Variants in CFAP61 observed in about 807,000 individuals in gnomAD.
CFAP61 encodes cilia and flagella associated protein 61, also known as cilia- and flagella-associated protein 61.
A neutral mutation model predicts 135.6 loss-of-function variants in CFAP61; 107 were observed. The observed-to-expected ratio is 0.79, with a 90% CI of 0.67 to 0.93. CFAP61 has a LOEUF of 0.93. Ranked by LOEUF, CFAP61 falls within the 40% of genes least tolerant of loss-of-function variation. The pLI, the probability that CFAP61 is intolerant of heterozygous loss-of-function variation, is 0.00. For missense variants in CFAP61, 1,507 were observed against 1,556.2 expected (o/e 0.97, Z 0.53); for synonymous variants, 575 against 578.5 (o/e 0.99, Z 0.09).
intron 13 of CFAP61, among the ~76,000 whole-genome samples, chr20:20,183,053 G>A (rs1239429039): frequency 6.6e-6 from 1 of 152,196 alleles, no homozygotes; most frequent in East Asian, 1.9e-4. Flanking sequence ...TCAGCACCCA[G>A]TGTGGAAGGA....
intron 25 of CFAP61, among the ~76,000 whole-genome samples, chr20:20,339,770 A>T (rs560450622): frequency 1.3e-5 from 2 of 152,188 alleles, no homozygotes; most frequent in Non-Finnish European, 2.9e-5. Flanking sequence ...GGCATGACAC[A>T]TCATACCTGG....
intron 26 of CFAP61, among the ~76,000 whole-genome samples, chr20:20,352,219 A>G (rs1448829416): frequency 6.6e-6 from 1 of 152,164 alleles, no homozygotes; most frequent in Non-Finnish European, 1.5e-5. Flanking sequence ...GAACTTCCAA[A>G]CACTTATAAC....
chr20:20,210,735 T>A (rs2047573833), intron 17 of CFAP61, among the ~76,000 whole-genome samples: 1 of 152,256 alleles, frequency 6.6e-6, no homozygotes, highest in South Asian at 2.1e-4. Flanking sequence ...GGTCAGTAGA[T>A]GCATATAGAA....
chr20:20,223,324 C>T (rs1486139196), intron 17 of CFAP61, among the ~76,000 whole-genome samples: 4 of 152,100 alleles, frequency 2.6e-5, no homozygotes, highest in Non-Finnish European at 4.4e-5. Flanking sequence ...GAAAAAGAGG[C>T]TCAGAATTTC....
At chr20:20,076,933 G>A (rs1019874555) in intron 6 of CFAP61, among the ~76,000 whole-genome samples, 1 of 152,154 alleles carries the variant, frequency 6.6e-6, no homozygotes, top group Non-Finnish European at 1.5e-5. Flanking sequence ...TACAGCACAA[G>A]ATTGTGATGA....
At chr20:20,072,276 G>A (rs573408745) in intron 3 of CFAP61, among the ~76,000 whole-genome samples, 33 of 151,356 alleles carry the variant, frequency 2.2e-4, no homozygotes, top group African/African-American at 6.8e-4. Context: ...CACCACGCCC[G>A]GCTAATTTTT....
At chr20:20,068,337 A>C (rs1252434456) in intron 2 of CFAP61, among the ~76,000 whole-genome samples, 2 of 152,224 alleles carry the variant, frequency 1.3e-5, no homozygotes, top group Non-Finnish European at 2.9e-5. Flanking sequence ...TCTGGGGCAG[A>C]GGAGCCCAGA....
intron 8 of CFAP61, among the ~76,000 whole-genome samples, chr20:20,123,105 T>G (rs1241751819): frequency 6.6e-6 from 1 of 151,760 alleles, no homozygotes; most frequent in East Asian, 1.9e-4. Flanking sequence ...AGCTCACTTT[T>G]TGATGGGATT....
At chr20:20,325,655 T>C (rs2057717446) in intron 25 of CFAP61, among the ~76,000 whole-genome samples, 1 of 152,232 alleles carries the variant, frequency 6.6e-6, no homozygotes, top group South Asian at 2.1e-4. Context: ...GTTTTGGCAA[T>C]TATGAATAAA....
intron 25 of CFAP61, chr20:20,322,910 T>C (rs1223645384): frequency 3.0e-6 from 3 of 985,348 alleles, no homozygotes; most frequent in Non-Finnish European, 3.6e-6. Context: ...CTTTCTATAC[T>C]TAAGTAGCTT....
intron 25 of CFAP61, among the ~76,000 whole-genome samples, chr20:20,311,342 A>G (rs2056815108): frequency 6.6e-6 from 1 of 152,226 alleles, no homozygotes; most frequent in South Asian, 2.1e-4. Flanking sequence ...TTTGGGAGGA[A>G]CCAGACTTAC....
chr20:20,258,078 G>A (rs1054445011), intron 20 of CFAP61, among the ~76,000 whole-genome samples: 7 of 152,148 alleles, frequency 4.6e-5, no homozygotes, highest in Admixed American at 2.0e-4. Flanking sequence ...GTGGATTAGG[G>A]TTAGGGCTTC....
chr20:20,229,022 A>G (rs1199581904), intron 18 of CFAP61, among the ~76,000 whole-genome samples: 1 of 152,166 alleles, frequency 6.6e-6, no homozygotes, highest in Non-Finnish European at 1.5e-5. Context: ...CAGCCCTTGA[A>G]TTTTGGATCC....
chr20:20,244,333 T>A (rs1307313809), intron 18 of CFAP61, among the ~76,000 whole-genome samples: 1 of 152,258 alleles, frequency 6.6e-6, no homozygotes, highest in East Asian at 1.9e-4. Context: ...GGCAAACTTC[T>A]GCCTGGACAT....
chr20:20,321,446 C>G (rs1024859732), intron 25 of CFAP61, among the ~76,000 whole-genome samples: 2 of 152,190 alleles, frequency 1.3e-5, no homozygotes, highest in Non-Finnish European at 2.9e-5. Flanking sequence ...TTACTTAACA[C>G]TCTGGTTGCA....
intron 8 of CFAP61, among the ~76,000 whole-genome samples, chr20:20,129,537 G>A (rs928518784): frequency 1.3e-5 from 2 of 150,782 alleles, no homozygotes; most frequent in Non-Finnish European, 2.9e-5. Context: ...CCTTGGGGGA[G>A]TCTTATTTGA....
At chr20:20,151,157 A>G (rs1307717492) in intron 9 of CFAP61, among the ~76,000 whole-genome samples, 1 of 152,158 alleles carries the variant, frequency 6.6e-6, no homozygotes, top group Admixed American at 6.5e-5. Context: ...TTTTAAAAAA[A>G]TACAAGATAT....
intron 10 of CFAP61, among the ~76,000 whole-genome samples, chr20:20,160,755 T>C (rs543064253): frequency 1.2e-4 from 18 of 152,332 alleles, no homozygotes; most frequent in South Asian, 1.0e-3. Flanking sequence ...GTATTCTTCC[T>C]GAGCACTCTG....
intron 26 of CFAP61, 139 bp downstream of exon 26, chr20:20,342,060 T>G (rs2058461969): frequency 1.8e-6 from 1 of 562,900 alleles, no homozygotes; most frequent in African/African-American, 1.9e-5. Flanking sequence ...ATAAACAAAC[T>G]GCGGAGCATG....
Sources: gnomAD v4.1 joint callset for allele counts (sites outside exome capture counted in the v4.1 genomes callset) on GRCh38, gnomAD v4.1.1 for gene constraint, MANE v1.5 for transcripts, NCBI Gene and HGNC (gene_info 2026-07-23, HGNC 2026-07-21) for gene names.